ZIK1: variants seen among roughly 807,000 people sequenced by gnomAD.
ZIK1 encodes zinc finger protein interacting with ribonucleoprotein K.
ZIK1 carries 12 observed loss-of-function variants against 10.7 expected under a neutral mutation model. That is an observed-to-expected ratio of 1.12 (90% CI 0.72 to 1.81). The LOEUF is 1.81. Among genes scored for constraint, ZIK1 ranks in the 40% most tolerant of loss-of-function variants. The pLI is 0.00. For missense variants in ZIK1, 497 were observed against 585.7 expected, an observed-to-expected ratio of 0.85 and a Z score of 1.56; for synonymous variants, 190 against 205.0, an observed-to-expected ratio of 0.93 and a Z score of 0.63.
intron 3 of ZIK1, chr19:57,589,448 G>T: frequency 1.0e-6 from 1 of 985,164 alleles, no homozygotes; most frequent in Non-Finnish European, 1.2e-6. Context: ...TTTTATCTAT[G>T]ACTTCTAGCA....
Position 57,592,154 on chromosome 19 carries a change from A to C in ZIK1, c.*879A>C, listed in dbSNP as rs1203862411. 6.6e-6 allele frequency: 1 copy of C among 152,198 alleles called. No homozygotes were observed. Among genetic ancestry groups the C allele is most frequent in the Non-Finnish European group, 1.5e-5 (1 of 68,050 alleles). 9.4% of individuals were successfully genotyped at this position (152,198 alleles called of 1,614,324 possible). A position where few individuals can be genotyped will look rare whatever the true frequency, so the allele number is the denominator to read the frequency against. On this transcript the variant is annotated 3_prime_UTR_variant, in exon 4 of 4. Transcript: ENST00000597850. The stretch of plus-strand genomic sequence containing the variant: ...TATTCCATTGTTTCCAGAGGATGTC[A>C]TATGATGCCCAGTGCTGCTGAGAAG...
At position 57,590,515 on chromosome 19, in the gene ZIK1, G is replaced by GA; in HGVS notation, c.710dup (p.Leu238AlafsTer3). The GA allele has an allele frequency of 6.2e-7, 1 of 1,614,134 alleles. No homozygotes were observed. The highest frequency in any genetic ancestry group is 8.5e-7 in the Non-Finnish European group (1 of 1,180,018). On this transcript the variant is annotated frameshift_variant, in exon 4 of 4. Coordinates refer to ENST00000597850, the MANE Select transcript of ZIK1 (RefSeq NM_001010879.4). LOFTEE classifies it low-confidence loss of function (END_TRUNC). ...GTTTACCATCCAAGAGTCTACACTG[G>GA]AAAAAAGCTTTATGAGTGTAGCAAA...
intron 2 of ZIK1, among the ~76,000 whole-genome samples, chr19:57,587,049 G>A (rs1020278840): frequency 2.6e-5 from 4 of 152,176 alleles, no homozygotes; most frequent in African/African-American, 9.7e-5. Context: ...TTGCATGGCA[G>A]CAGACAAGAG....
intron 2 of ZIK1, among the ~76,000 whole-genome samples, chr19:57,585,917 G>A: frequency 7.3e-6 from 1 of 137,038 alleles, no homozygotes; most frequent in Non-Finnish European, 1.5e-5. Context: ...ATCTTTAGTA[G>A]AGACAGGGTT....
intron 1 of ZIK1, 140 bp downstream of exon 1, chr19:57,584,529 A>T: frequency 7.0e-7 from 1 of 1,427,720 alleles, no homozygotes; most frequent in African/African-American, 1.4e-5. Context: ...GTGATGGGGC[A>T]CGGAAGAGGG....
chr19:57,588,524 TC>T lies in ZIK1; in HGVS notation c.73-11del, dbSNP rs749312863. 14 of 1,470,474 alleles carry T rather than the reference TC, an allele frequency of 9.5e-6. No homozygotes were observed. The East Asian group carries it at 2.0e-4, about 21-fold the overall frequency. 91.1% of individuals were successfully genotyped at this position (1,470,474 alleles called of 1,614,324 possible). ...GAGGCGTTGATTGTGGAGTGACCTG[TC>T]CCCATCATGACAGGGCTGTGTGACC... On this transcript the variant is annotated splice_polypyrimidine_tract_variant and intron_variant, in intron 2 of 3. Coordinates refer to ENST00000597850, the MANE Select transcript of ZIK1 (RefSeq NM_001010879.4).
Position 57,589,875 on chromosome 19 carries a change from C to A in ZIK1, c.200-136C>A, listed in dbSNP as rs191944691. 29 of 1,178,676 alleles carry A rather than the reference C, an allele frequency of 2.5e-5. 1 individual carries two copies. The East Asian group carries it at 4.6e-4, about 19-fold the overall frequency. 73.0% of individuals were successfully genotyped at this position (1,178,676 alleles called of 1,614,324 possible). ...TTAGAGATCCAGTATTGCAAAGCAA[C>A]CCCTTCCTCAACTTGCCCCCAGCTC... On this transcript the variant is annotated intron_variant, in intron 3 of 3. Coordinates refer to ENST00000597850, the MANE Select transcript of ZIK1 (RefSeq NM_001010879.4).
At chr19:57,584,920 A>T in intron 1 of ZIK1, 32 bp from the exon 2 acceptor site, 1 of 1,612,578 alleles carries the variant, frequency 6.2e-7, no homozygotes, top group Non-Finnish European at 8.5e-7. Context: ...CTGTATGGTC[A>T]CCTGCCTTTC....
At chr19:57,589,596 A>T in intron 3 of ZIK1, 1 of 985,414 alleles carries the variant, frequency 1.0e-6, no homozygotes, top group Non-Finnish European at 1.2e-6. Flanking sequence ...ATATGTGATC[A>T]TATCACTTGC....
rs1350405757 is a variant in ZIK1 at position 57,588,664 on chromosome 19, G to A, written c.198G>A (p.Leu66=). ...AGAACTTTGCCCTTGTAGCCTCACT[G>A]GGTAAGGCCCTAATACCAACTCCAG... ...MLENFALVAS[L]GCGHGTEDEE... Residue 66 remains leucine, a splice_region_variant and synonymous_variant, in exon 3 of 4, where the codon CTG becomes CTA. Transcript: ENST00000597850. 9 of 1,551,158 alleles carry A rather than the reference G, an allele frequency of 5.8e-6. No homozygotes were observed. Among genetic ancestry groups the A allele is most frequent in the Non-Finnish European group, 7.9e-6 (9 of 1,145,504 alleles).
At chr19:57,587,756 G>T (rs1441791769) in intron 2 of ZIK1, among the ~76,000 whole-genome samples, 2 of 152,152 alleles carry the variant, frequency 1.3e-5, no homozygotes, top group Non-Finnish European at 2.9e-5. Flanking sequence ...GGAATTTGTT[G>T]TGACCCTTGG....
rs573223661 is a variant in ZIK1, at chr19:57,593,578, G to A, written c.*2303G>A. On this transcript the variant is annotated 3_prime_UTR_variant, in exon 4 of 4. Transcript: ENST00000597850. Reference sequence around the variant, plus strand: ...GTGAATGCGTCACTTTTAAAGACAAGGCCAGACTATAACCTAACTGTACCA... The same window carrying A: ...GTGAATGCGTCACTTTTAAAGACAAAGCCAGACTATAACCTAACTGTACCA... 1 of 152,140 alleles carries A rather than the reference G, an allele frequency of 6.6e-6. No individual in the cohort carries two copies. Among genetic ancestry groups the A allele is most frequent in the South Asian group, 2.1e-4 (1 of 4,816 alleles). 9.4% of individuals were successfully genotyped at this position (152,140 alleles called of 1,614,324 possible).
chr19:57,584,314 C>T lies in ZIK1; in HGVS notation c.-43C>T. The T allele has an allele frequency of 6.4e-7, 1 of 1,561,254 alleles. No individual in the cohort carries two copies. On this transcript the variant is annotated 5_prime_UTR_variant, in exon 1 of 4. Transcript: ENST00000597850. ...GACGGCTTTGCCTAGGTCCCTCCGC[C>T]CGTAGCTGTCGGGTCCCGGCCCCGC... is the stretch of plus-strand genomic sequence containing the variant.
At chr19:57,589,577 C>T in intron 3 of ZIK1, 10 of 985,316 alleles carry the variant, frequency 1.0e-5, no homozygotes, top group Non-Finnish European at 1.2e-5. Context: ...TATATATGAC[C>T]ACATGAAGAT....
At chr19:57,587,008 C>T (rs1449988837) in intron 2 of ZIK1, among the ~76,000 whole-genome samples, 2 of 152,168 alleles carry the variant, frequency 1.3e-5, no homozygotes, top group African/African-American at 2.4e-5. Flanking sequence ...GGGGAGGCCT[C>T]ACAATCATGG....
Position 57,592,410 on chromosome 19 carries a change from T to A in ZIK1, c.*1135T>A, listed in dbSNP as rs1979779917. The A allele has an allele frequency of 6.6e-6, 1 of 152,230 alleles. No individual in the cohort carries two copies. Among genetic ancestry groups the A allele is most frequent in the Non-Finnish European group, 1.5e-5 (1 of 68,040 alleles). 9.4% of individuals were successfully genotyped at this position (152,230 alleles called of 1,614,324 possible). A position where few individuals can be genotyped will look rare whatever the true frequency, so the allele number is the denominator to read the frequency against. On this transcript the variant is annotated 3_prime_UTR_variant, in exon 4 of 4. Transcript: ENST00000597850. Reference sequence around the variant, plus strand: ...TGAGCAGTCATAGGACCTAGAAATCTGTGTATGTCCAATAGCTGAGGTTAT... The same window carrying A: ...TGAGCAGTCATAGGACCTAGAAATCAGTGTATGTCCAATAGCTGAGGTTAT...
Position 57,590,875 on chromosome 19 carries a change from A to G in ZIK1, c.1064A>G (p.Glu355Gly), listed in dbSNP as rs1410306591. The change falls in exon 4 of 4, where the codon GAA (glutamate) becomes GGA (glycine). Residue 355 changes from glutamate (E) to glycine (G), a missense_variant. Coordinates refer to ENST00000597850, the MANE Select transcript of ZIK1 (RefSeq NM_001010879.4). ...HTGERPYKCG[E>G]CGNSFSQSAI... is the part of the protein sequence containing the mutation. ...GGAGAAAGGCCTTATAAGTGTGGTG[A>G]ATGTGGGAATTCCTTTAGTCAAAGT... 3.1e-6 allele frequency: 5 copies of G among 1,612,692 alleles called. No individual in the cohort carries two copies. In the South Asian group the frequency reaches 5.5e-5, roughly 18 times the overall value.
rs1342276937 is a variant in ZIK1 at position 57,590,931 on chromosome 19, A to T, written c.1120A>T (p.Thr374Ser). Residue 374 changes from threonine to serine, a missense_variant, in exon 4 of 4, where the codon ACT becomes TCT. Transcript: ENST00000597850. ...TCTTAATCAACACCGAAGAATTCAC[A>T]CTGGAGCAAAGCCTTATGAGTGTGG... ...AILNQHRRIHTGAKPYECGQC... is the reference protein window; with the variant it reads ...AILNQHRRIHSGAKPYECGQC... 1 of 1,613,900 alleles carries T rather than the reference A, an allele frequency of 6.2e-7. No individual in the cohort carries two copies. The highest frequency in any genetic ancestry group is 1.1e-5 in the South Asian group (1 of 91,070).
chr19:57,588,805 G>A, intron 3 of ZIK1, 140 bp downstream of exon 3: 1 of 924,424 alleles, frequency 1.1e-6, no homozygotes. Context: ...CCAGTGGTCT[G>A]GGAACACCTG....
Sources: gnomAD v4.1 joint callset for allele counts (sites outside exome capture counted in the v4.1 genomes callset) on GRCh38, gnomAD v4.1.1 for gene constraint, MANE v1.5 for transcripts, NCBI Gene and HGNC (gene_info 2026-07-23, HGNC 2026-07-21) for gene names.